The following WRN variants were observed in gnomAD, a reference collection of about 807,000 sequenced individuals.
The protein encoded by WRN is WRN RecQ like helicase, also known as bifunctional 3'-5' exonuclease/ATP-dependent helicase WRN.
A neutral mutation model predicts 180.7 loss-of-function variants in WRN; 149 were observed. The ratio of observed to expected loss-of-function variants is 0.82; its 90% CI spans 0.72 to 0.94. The LOEUF is 0.94. WRN is among the 40% of genes least tolerant of loss of function. The pLI is 0.00. For synonymous variants in WRN, 548 were observed against 568.9 expected (o/e 0.96, Z 0.52); for missense variants, 1,661 against 1,700.1 (o/e 0.98, Z 0.40).
intron 33 of WRN, among the ~76,000 whole-genome samples, chr8:31,163,494 C>T (rs567193656): frequency 6.6e-5 from 10 of 151,852 alleles, no homozygotes; most frequent in African/African-American, 9.7e-5. Flanking sequence ...TCTTTTTACT[C>T]GTGTTAAAGT....
In WRN at chr8:31,154,668, G is replaced by A. The variant is rs750463286; in HGVS notation, c.3732G>A (p.Thr1244=). The change falls in exon 32 of 35, where the codon ACG becomes ACA. Residue 1244 remains threonine (T), a synonymous_variant. Transcript: ENST00000298139. ...CAAAACCTCAAGAAGAACAGAAGAC[G>A]AGTCTGGTAGCAAAAAATAAAATAT... ...SSTKPQEEQK[T]SLVAKNKICT... is the part of the protein sequence containing the mutation. 12 of 1,613,376 alleles carry A rather than the reference G, an allele frequency of 7.4e-6. No homozygotes were observed. The African/African-American group carries it at 1.1e-4, about 14-fold the overall frequency.
intron 31 of WRN, among the ~76,000 whole-genome samples, chr8:31,154,416 A>C (rs576178235): frequency 8.2e-4 from 124 of 152,118 alleles, no homozygotes; most frequent in Non-Finnish European, 1.5e-3. Flanking sequence ...TATTTTATTA[A>C]AATTTTGTGT....
chr8:31,069,292 G>A (rs1267336047), intron 7 of WRN, among the ~76,000 whole-genome samples: 1 of 152,150 alleles, frequency 6.6e-6, no homozygotes, highest in Non-Finnish European at 1.5e-5. Flanking sequence ...TCCTTTATAT[G>A]TTAAGGTAGA....
At chr8:31,112,975 G>A (rs902324283) in intron 19 of WRN, among the ~76,000 whole-genome samples, 4 of 151,748 alleles carry the variant, frequency 2.6e-5, no homozygotes, top group Admixed American at 2.0e-4. Context: ...GGAGGCAGAC[G>A]TTGGAGAATC....
chr8:31,124,440 A>T, intron 21 of WRN, 82 bp from the exon 22 acceptor site: 1 of 1,068,570 alleles, frequency 9.4e-7, no homozygotes, highest in Non-Finnish European at 1.4e-6. Context: ...ATGAAAAATA[A>T]ACAGTAAAAA....
intron 16 of WRN, 37 bp downstream of exon 16, chr8:31,091,935 T>A: frequency 6.3e-7 from 1 of 1,596,120 alleles, no homozygotes; most frequent in Non-Finnish European, 8.6e-7. Context: ...TATTTTGGAT[T>A]TATGGGGGTG....
intron 30 of WRN, 22 bp from the exon 31 acceptor site, chr8:31,150,319 T>C (rs776601441): frequency 8.9e-6 from 14 of 1,580,688 alleles, no homozygotes; most frequent in Non-Finnish European, 1.2e-5. Flanking sequence ...TTTGTTGTTG[T>C]TGTTGTTGTT....
rs143068173 is a variant in WRN, at chr8:31,081,004, G to A, written c.977G>A (p.Gly326Glu). The A allele has an allele frequency of 1.2e-5, 20 of 1,613,918 alleles. No homozygotes were observed. In the Admixed American group the frequency reaches 2.5e-4, roughly 20 times the overall value. ...NLLSFEDSTT[G>E]GVQQKQIREH... ...TTATCCTTTGAAGATTCAACTACTGGGGGAGTACAACAGAAACAAATTAGA... is the reference window on the plus strand; with the variant it reads ...TTATCCTTTGAAGATTCAACTACTGAGGGAGTACAACAGAAACAAATTAGA... Residue 326 changes from glycine to glutamate, a missense_variant, in exon 9 of 35, where the codon GGG (glycine) becomes GAG (glutamate). Transcript: ENST00000298139.
At chr8:31,099,069 A>T (rs764769307) in intron 17 of WRN, among the ~76,000 whole-genome samples, 21 of 151,372 alleles carry the variant, frequency 1.4e-4, no homozygotes, top group Non-Finnish European at 2.8e-4. Flanking sequence ...GTTATGAAAG[A>T]AAGAAAGAGA....
chr8:31,147,884 A>AT lies in WRN; in HGVS notation c.3572+425dup, dbSNP rs367782924. On this transcript the variant is annotated intron_variant, in intron 30 of 34. Coordinates refer to ENST00000298139, the MANE Select transcript of WRN (RefSeq NM_000553.6). ...CTTCGTCTTCCTCTTCTTCTTCTTC[A>AT]TTTTTTTTTTTTTTTTTGTCTGAAG... Among the ~76,000 whole-genome samples, 338 of 126,874 alleles carry AT rather than the reference A, an allele frequency of 2.7e-3. 5 individuals are homozygous for AT. Among genetic ancestry groups the AT allele is most frequent in the South Asian group, 5.3e-3 (21 of 3,970 alleles). 83.2% of individuals were successfully genotyped at this position (126,874 alleles called of 152,430 possible).
intron 18 of WRN, among the ~76,000 whole-genome samples, chr8:31,102,496 G>A (rs778489544): frequency 6.6e-6 from 1 of 152,196 alleles, no homozygotes; most frequent in Non-Finnish European, 1.5e-5. Flanking sequence ...CTATATGATA[G>A]AGCCTATTGC....
chr8:31,173,621 G>A lies in WRN; in HGVS notation c.*519G>A. ...GGCAGTGAAAATGAAACCGCATTTT[G>A]GGTGCCATTAAATAGGGAAAAAACA... On this transcript the variant is annotated 3_prime_UTR_variant, in exon 35 of 35. Transcript: ENST00000298139. The A allele has an allele frequency of 5.8e-6, 1 of 172,050 alleles. No homozygotes were observed. Among genetic ancestry groups the A allele is most frequent in the Non-Finnish European group, 1.3e-5 (1 of 79,868 alleles). The allele number at this position is 172,050 out of a possible 1,614,324, so 10.7% of individuals were successfully genotyped here.
At chr8:31,059,079 A>G in intron 2 of WRN, 74 bp from the exon 3 acceptor site, 2 of 1,118,232 alleles carry the variant, frequency 1.8e-6, no homozygotes, top group Non-Finnish European at 2.7e-6. Context: ...TGCTTCAGTG[A>G]ACTTTATTAT....
At chr8:31,056,008 C>T (rs1017329259) in intron 1 of WRN, among the ~76,000 whole-genome samples, 11 of 151,998 alleles carry the variant, frequency 7.2e-5, no homozygotes, top group African/African-American at 1.7e-4. Flanking sequence ...AACAAATTTA[C>T]GTTCAAATCT....
chr8:31,117,663 C>T (rs1801573051), intron 20 of WRN, among the ~76,000 whole-genome samples: 1 of 152,092 alleles, frequency 6.6e-6, no homozygotes, highest in African/African-American at 2.4e-5. Flanking sequence ...CATTTTCTGT[C>T]CCACCGGTCA....
intron 18 of WRN, among the ~76,000 whole-genome samples, chr8:31,106,106 GAATT>G (rs889655515): frequency 1.3e-5 from 2 of 151,942 alleles, no homozygotes; most frequent in African/African-American, 4.8e-5. Context: ...CAAAATTTTG[GAATT>G]TTCCTCAATC....
rs556165345 is a variant in WRN, at chr8:31,154,527, CTTGTG to C, written c.3688-94_3688-90del. On this transcript the variant is annotated intron_variant, in intron 31 of 34. Transcript: ENST00000298139. ...AATTATTTGTTGCTTATGGGTTTAA[CTTGTG>C]TTATTTTTTTCTTAATGGCTAATTA... is the stretch of plus-strand genomic sequence containing the variant. 1.6e-5 allele frequency: 23 copies of C among 1,414,880 alleles called. No individual in the cohort carries two copies. The East Asian group carries it at 5.6e-4, about 34-fold the overall frequency. The allele number at this position is 1,414,880 out of a possible 1,614,324, so 87.6% of individuals were successfully genotyped here.
At chr8:31,082,988 T>C (rs1462651024) in intron 9 of WRN, among the ~76,000 whole-genome samples, 5 of 152,242 alleles carry the variant, frequency 3.3e-5, no homozygotes, top group Non-Finnish European at 5.9e-5. Context: ...TTTCAATTTT[T>C]TTTATTGCTT....
intron 12 of WRN, 87 bp downstream of exon 12, chr8:31,088,007 G>T: frequency 6.4e-7 from 1 of 1,553,848 alleles, no homozygotes; most frequent in Non-Finnish European, 8.7e-7. Context: ...TGGTTTGGAG[G>T]TCAGGGACTT....
Sources: allele counts gnomAD v4.1 joint callset (sites outside exome capture counted in the v4.1 genomes callset), GRCh38; gene constraint gnomAD v4.1.1; transcripts MANE v1.5; gene names NCBI Gene and HGNC (gene_info 2026-07-23, HGNC 2026-07-21).